ST3GAL3: variants seen among roughly 807,000 people sequenced by gnomAD.
The protein encoded by ST3GAL3 is CMP-N-acetylneuraminate-beta-1,4-galactoside alpha-2,3-sialyltransferase.
A neutral mutation model predicts 50.1 loss-of-function variants in ST3GAL3; 21 were observed. The observed-to-expected ratio is 0.42, with a 90% CI of 0.30 to 0.60. The LOEUF is 0.60. ST3GAL3 is among the 20% of genes least tolerant of loss of function. The pLI is 0.19. For missense variants in ST3GAL3, 353 were observed against 489.4 expected (o/e 0.72, Z 2.63); for synonymous variants, 183 against 190.0 (o/e 0.96, Z 0.30).
chr1:43,899,757 C>T lies in ST3GAL3; in HGVS notation c.744+30C>T. On this transcript the variant is annotated intron_variant, in intron 9 of 11. Transcript: ENST00000347631. This position sits in a 1 kb window ranked among gnomAD's most constrained non-coding sequence, Gnocchi z 5.4. ...GCTCTCCTGGCACCAGCTTCTTCCC[C>T]TCTTGCCCTGGGCTTCCGCAACTCC... 1 of 1,607,748 alleles carries T rather than the reference C, an allele frequency of 6.2e-7. No individual in the cohort carries two copies. The highest frequency in any genetic ancestry group is 8.5e-7 in the Non-Finnish European group (1 of 1,174,716).
chr1:43,888,022 C>T (rs751111871), intron 5 of ST3GAL3, among the ~76,000 whole-genome samples: 28 of 151,976 alleles, frequency 1.8e-4, no homozygotes, highest in Non-Finnish European at 3.7e-4. Context: ...ATCCATGCAG[C>T]TGCAATCAAT....
At chr1:43,719,556 A>G (rs1456015797) in intron 1 of ST3GAL3, among the ~76,000 whole-genome samples, 1 of 151,468 alleles carries the variant, frequency 6.6e-6, no homozygotes, top group African/African-American at 2.4e-5. Flanking sequence ...TCCCAGCTAC[A>G]TGGGAGGCCG....
intron 11 of ST3GAL3, among the ~76,000 whole-genome samples, chr1:43,926,022 G>A (rs2083855478): frequency 6.6e-6 from 1 of 152,216 alleles, no homozygotes; most frequent in African/African-American, 2.4e-5. Flanking sequence ...GACCACAGAT[G>A]TTGCTCGTGG....
At chr1:43,722,085 T>C (rs1250483419) in intron 1 of ST3GAL3, among the ~76,000 whole-genome samples, 1 of 152,168 alleles carries the variant, frequency 6.6e-6, no homozygotes, top group African/African-American at 2.4e-5. Flanking sequence ...CACAATGTAA[T>C]GGGATAGGGA....
rs565974256 is a variant in ST3GAL3 at position 43,810,747 on chromosome 1, C to G, written c.167-4144C>G. 2.0e-5 allele frequency among the ~76,000 whole-genome samples: 3 copies of G among 151,944 alleles called. No individual in the cohort carries two copies. In the South Asian group the frequency reaches 6.3e-4, roughly 32 times the overall value. ...TCCCCAGGAGTTTCGCCCTTGGGAG[C>G]AGAGGGGCGAGGGGCGAATGCAATC... On this transcript the variant is annotated intron_variant, in intron 3 of 11. Coordinates refer to ENST00000347631, the MANE Select transcript of ST3GAL3 (RefSeq NM_006279.5).
chr1:43,807,363 C>T (rs2060014544), intron 3 of ST3GAL3, among the ~76,000 whole-genome samples: 1 of 151,922 alleles, frequency 6.6e-6, no homozygotes, highest in Admixed American at 6.6e-5. Flanking sequence ...TTGCAGTGAG[C>T]CGAGATCGTG....
At chr1:43,928,495 A>T (rs2154299943) in intron 11 of ST3GAL3, among the ~76,000 whole-genome samples, 1 of 152,154 alleles carries the variant, frequency 6.6e-6, no homozygotes, top group African/African-American at 2.4e-5. Flanking sequence ...AGCTACTCAG[A>T]TGACTGAGGC....
intron 9 of ST3GAL3, 151 bp from the exon 10 acceptor site, chr1:43,920,251 AAC>A: frequency 3.5e-6 from 3 of 855,424 alleles, no homozygotes; most frequent in Non-Finnish European, 3.8e-6. Context: ...CATTTCCCCA[AAC>A]ACAGATGGGC....
chr1:43,874,380 T>C (rs1004256317), intron 5 of ST3GAL3, among the ~76,000 whole-genome samples: 1 of 152,172 alleles, frequency 6.6e-6, no homozygotes, highest in Admixed American at 6.5e-5. Flanking sequence ...AGATAACTCT[T>C]TGAAGGAGTG....
chr1:43,736,357 T>TA lies in ST3GAL3; in HGVS notation c.96dup (p.Leu33ThrfsTer15). ...TATTATTCTGCGTGGAAGCTACACT[T>TA]ACTCCAGTGGGAGGAGGACTCCAGT... On this transcript the variant is annotated frameshift_variant, in exon 2 of 12. Coordinates refer to ENST00000347631, the MANE Select transcript of ST3GAL3 (RefSeq NM_006279.5). LOFTEE classifies it high-confidence loss of function. The TA allele has an allele frequency of 2.5e-6, 4 of 1,614,188 alleles. No individual in the cohort carries two copies. Among genetic ancestry groups the TA allele is most frequent in the Non-Finnish European group, 3.4e-6 (4 of 1,180,040 alleles).
At chr1:43,749,605 AACTG>A (rs1685223714) in intron 2 of ST3GAL3, among the ~76,000 whole-genome samples, 1 of 152,170 alleles carries the variant, frequency 6.6e-6, no homozygotes, top group Non-Finnish European at 1.5e-5. Flanking sequence ...AACAAAAAGA[AACTG>A]ACAAAGGACT....
intron 11 of ST3GAL3, among the ~76,000 whole-genome samples, chr1:43,922,803 A>AG (rs1214507954): frequency 2.6e-3 from 247 of 96,244 alleles, no homozygotes; most frequent in Middle Eastern, 5.6e-3. Context: ...GTCTCAAAAA[A>AG]GAAAAAAAAA....
At chr1:43,812,303 C>A (rs960012687) in intron 3 of ST3GAL3, among the ~76,000 whole-genome samples, 1 of 152,124 alleles carries the variant, frequency 6.6e-6, no homozygotes, top group East Asian at 1.9e-4. Flanking sequence ...GCACAGTTAG[C>A]AGGAGCTGGT....
chr1:43,857,586 C>CCTTCCTTCCTCCCTTCCTT (rs1558605800), intron 5 of ST3GAL3, among the ~76,000 whole-genome samples: 1 of 85,976 alleles, frequency 1.2e-5, no homozygotes, highest in Non-Finnish European at 2.1e-5. Context: ...CTTCCTCCCT[C>CCTTCCTTCCTCCCTTCCTT]CCTTCCTTCC....
At chr1:43,788,272 A>G (rs1462219018) in intron 2 of ST3GAL3, among the ~76,000 whole-genome samples, 2 of 152,204 alleles carry the variant, frequency 1.3e-5, no homozygotes, top group African/African-American at 4.8e-5. Flanking sequence ...GAGACTTTAT[A>G]TCAGGACTGC....
At chr1:43,744,640 G>A (rs1483030689) in intron 2 of ST3GAL3, among the ~76,000 whole-genome samples, 5 of 93,374 alleles carry the variant, frequency 5.4e-5, no homozygotes, top group Non-Finnish European at 1.0e-4. Flanking sequence ...GGGACAGAGC[G>A]AGACTCCCTC....
At chr1:43,750,940 C>T (rs1685808922) in intron 2 of ST3GAL3, among the ~76,000 whole-genome samples, 3 of 151,766 alleles carry the variant, frequency 2.0e-5, no homozygotes, top group African/African-American at 7.2e-5. Context: ...TCTAGAAATT[C>T]TAAGCAAAGT....
chr1:43,910,867 C>T (rs140316424), intron 9 of ST3GAL3, among the ~76,000 whole-genome samples: 17 of 152,338 alleles, frequency 1.1e-4, no homozygotes, highest in Middle Eastern at 3.4e-3. Context: ...TGTGGTCCTC[C>T]TCTGGCCACA....
intron 2 of ST3GAL3, among the ~76,000 whole-genome samples, chr1:43,780,764 T>G (rs1699111955): frequency 6.6e-6 from 1 of 152,178 alleles, no homozygotes; most frequent in Admixed American, 6.5e-5. Flanking sequence ...ATCCTCCACC[T>G]GTTTCACGAA....
Sources: allele counts gnomAD v4.1 joint callset (sites outside exome capture counted in the v4.1 genomes callset), GRCh38; gene constraint gnomAD v4.1.1; non-coding constraint Gnocchi (gnomAD v3.1); transcripts MANE v1.5; gene names NCBI Gene and HGNC (gene_info 2026-07-23, HGNC 2026-07-21).